Variants in MAN2A1 observed in about 807,000 individuals in gnomAD.
The protein encoded by MAN2A1 is alpha-mannosidase 2.
MAN2A1 carries 76 observed loss-of-function variants against 142.6 expected under a neutral mutation model. That is an observed-to-expected ratio of 0.53 (90% confidence interval 0.44 to 0.65). MAN2A1 has a LOEUF of 0.65. MAN2A1 is among the 30% of genes least tolerant of loss of function. MAN2A1 has a pLI of 0.00. For missense variants in MAN2A1, 1,311 were observed against 1,365.1 expected (o/e 0.96, Z 0.62); for synonymous variants, 559 against 473.2 (o/e 1.18, Z -2.35).
intron 4 of MAN2A1, among the ~76,000 whole-genome samples, chr5:109,737,436 G>A (rs529589198): frequency 3.5e-5 from 4 of 113,442 alleles, no homozygotes; most frequent in African/African-American, 1.7e-4. Context: ...ATTCTTTAGA[G>A]ATTTTTGAAT....
rs375208742 is a variant in MAN2A1 at position 109,707,597 on chromosome 5, A to C, written c.136-5923A>C. On this transcript the variant is annotated intron_variant, in intron 1 of 21. Coordinates refer to ENST00000261483, the MANE Select transcript of MAN2A1 (RefSeq NM_002372.4). ...AACAAGAAATAAATTGAGATAAACC[A>C]TAACATGAGGAGGCCTGTTTTAGAC... 9.2e-5 allele frequency among the ~76,000 whole-genome samples: 14 copies of C among 152,308 alleles called. 1 individual carries two copies. Among genetic ancestry groups the C allele is most frequent in the Admixed American group, 2.6e-4 (4 of 15,298 alleles).
At chr5:109,790,507 A>G (rs910418772) in intron 12 of MAN2A1, among the ~76,000 whole-genome samples, 11 of 151,980 alleles carry the variant, frequency 7.2e-5, no homozygotes, top group African/African-American at 2.7e-4. Flanking sequence ...TGTTCTCTGT[A>G]ACACGGCAGA....
intron 20 of MAN2A1, among the ~76,000 whole-genome samples, chr5:109,860,598 A>C (rs77875663): frequency 6.6e-6 from 1 of 152,174 alleles, no homozygotes; most frequent in Non-Finnish European, 1.5e-5. Flanking sequence ...TTGCACACAT[A>C]ATGTTTACTA....
intron 16 of MAN2A1, among the ~76,000 whole-genome samples, chr5:109,832,491 G>C (rs1347336645): frequency 6.6e-6 from 1 of 152,124 alleles, no homozygotes; most frequent in South Asian, 2.1e-4. Context: ...GGGGTTGGGG[G>C]TAAGGCCATA....
At chr5:109,813,324 C>T (rs1225062580) in intron 12 of MAN2A1, among the ~76,000 whole-genome samples, 1 of 152,234 alleles carries the variant, frequency 6.6e-6, no homozygotes, top group Non-Finnish European at 1.5e-5. Flanking sequence ...CCACAGGAAA[C>T]TTCAGCTGTC....
intron 2 of MAN2A1, among the ~76,000 whole-genome samples, chr5:109,714,487 A>G (rs1364607502): frequency 5.9e-5 from 9 of 152,204 alleles, no homozygotes; most frequent in African/African-American, 4.8e-5. Flanking sequence ...GGTTTGTATT[A>G]TATTTCTCTT....
intron 1 of MAN2A1, among the ~76,000 whole-genome samples, chr5:109,706,155 A>G (rs563400671): frequency 1.3e-5 from 2 of 152,304 alleles, no homozygotes; most frequent in South Asian, 2.1e-4. Flanking sequence ...TGAGTTAGGT[A>G]TTATTCTCCC....
rs911740207 is a variant in MAN2A1, at chr5:109,729,274, G to A, written c.536-68G>A. 10 of 983,384 alleles carry A rather than the reference G, an allele frequency of 1.0e-5. No individual in the cohort carries two copies. In the African/African-American group the frequency reaches 1.5e-4, roughly 15 times the overall value. 60.9% of individuals were successfully genotyped at this position (983,384 alleles called of 1,614,324 possible). The stretch of plus-strand genomic sequence containing the variant: ...CTAACGATGTCCAAAGTAATGCAAT[G>A]GAATGTGACTGAGTTGAAATCAGCC... On this transcript the variant is annotated intron_variant, in intron 3 of 21. Transcript: ENST00000261483.
Position 109,817,443 on chromosome 5 carries a change from G to C in MAN2A1, c.2109+5G>C, listed in dbSNP as rs774444103. The C allele has an allele frequency of 9.9e-6, 16 of 1,613,484 alleles. No individual in the cohort carries two copies. Among genetic ancestry groups the C allele is most frequent in the Non-Finnish European group, 1.4e-5 (16 of 1,179,726 alleles). On this transcript the variant is annotated splice_donor_5th_base_variant and intron_variant, in intron 13 of 21. Coordinates refer to ENST00000261483, the MANE Select transcript of MAN2A1 (RefSeq NM_002372.4). ...ATTTCAGAAACAGCCTATGAGGTAT[G>C]TTGTAGCCATAGAACTTAAGGAGGC...
At chr5:109,738,695 A>G (rs1274811395) in intron 4 of MAN2A1, among the ~76,000 whole-genome samples, 2 of 152,212 alleles carry the variant, frequency 1.3e-5, no homozygotes, top group East Asian at 3.8e-4. Flanking sequence ...ATTAATTCAG[A>G]CAACATGCTT....
chr5:109,866,715 C>T (rs933197074), intron 21 of MAN2A1, 131 bp from the exon 22 acceptor site: 1 of 555,382 alleles, frequency 1.8e-6, no homozygotes, highest in Non-Finnish European at 3.2e-6. Flanking sequence ...TTAATCCACC[C>T]TTTTTTCCTC....
chr5:109,730,014 CA>C (rs1424704060), intron 4 of MAN2A1, among the ~76,000 whole-genome samples: 2 of 152,160 alleles, frequency 1.3e-5, no homozygotes, highest in African/African-American at 4.8e-5. Context: ...TCCTATGTTA[CA>C]ACTTTGTCCC....
intron 16 of MAN2A1, among the ~76,000 whole-genome samples, chr5:109,826,141 G>A (rs1434093146): frequency 6.6e-6 from 1 of 151,574 alleles, no homozygotes; most frequent in Non-Finnish European, 1.5e-5. Flanking sequence ...CTTGACCTCA[G>A]GTAATCCACC....
At chr5:109,763,125 T>G (rs1752897237) in intron 5 of MAN2A1, among the ~76,000 whole-genome samples, 1 of 152,236 alleles carries the variant, frequency 6.6e-6, no homozygotes, top group African/African-American at 2.4e-5. Flanking sequence ...TTTTTGTTGT[T>G]GTTTTTTAAA....
chr5:109,720,277 C>T (rs560769381), intron 3 of MAN2A1, among the ~76,000 whole-genome samples: 1 of 152,266 alleles, frequency 6.6e-6, no homozygotes, highest in East Asian at 1.9e-4. Flanking sequence ...AGTAGGAAGA[C>T]CTAGGCCCAA....
At chr5:109,773,374 C>G (rs1187788110) in intron 7 of MAN2A1, among the ~76,000 whole-genome samples, 2 of 151,982 alleles carry the variant, frequency 1.3e-5, no homozygotes, top group Non-Finnish European at 2.9e-5. Flanking sequence ...AATAGTAAAC[C>G]CTTTTTTATG....
At chr5:109,846,284 T>G (rs1489555050) in intron 18 of MAN2A1, among the ~76,000 whole-genome samples, 1 of 152,214 alleles carries the variant, frequency 6.6e-6, no homozygotes, top group Non-Finnish European at 1.5e-5. Context: ...AGTATGTATT[T>G]TGCAGAGGTC....
At chr5:109,863,549 A>G (rs1487991520) in intron 20 of MAN2A1, 4 of 152,322 alleles carry the variant, frequency 2.6e-5, no homozygotes, top group Admixed American at 1.3e-4. Context: ...AGCTACTTAC[A>G]TAGTATTTTC....
chr5:109,733,609 A>T (rs574076386), intron 4 of MAN2A1, among the ~76,000 whole-genome samples: 3 of 152,222 alleles, frequency 2.0e-5, no homozygotes, highest in South Asian at 2.1e-4. Context: ...TTCTGCATCT[A>T]TTGAGATAAT....
Sources: allele counts gnomAD v4.1 joint callset (sites outside exome capture counted in the v4.1 genomes callset), GRCh38; gene constraint gnomAD v4.1.1; transcripts MANE v1.5; gene names NCBI Gene and HGNC (gene_info 2026-07-23, HGNC 2026-07-21).